The following ABCC3 variants were observed in gnomAD, a reference collection of about 807,000 sequenced individuals.
ABCC3 encodes ATP-binding cassette sub-family C member 3.
Under a neutral mutation model 165.3 loss-of-function variants are expected in ABCC3, and 121 were observed. That is an observed-to-expected ratio of 0.73 (90% CI 0.63 to 0.85). The LOEUF (loss-of-function observed/expected upper bound fraction) is 0.85, where lower values mean the gene tolerates loss of function less well. ABCC3 is among the 40% of genes least tolerant of loss of function. The pLI, the probability that ABCC3 is intolerant of heterozygous loss-of-function variation, is 0.00. For missense variants in ABCC3, 1,869 were observed against 1,964.1 expected, an observed-to-expected ratio of 0.95 and a Z score of 0.92; for synonymous variants, 733 against 810.1, an observed-to-expected ratio of 0.90 and a Z score of 1.62.
chr17:50,687,641 C>T lies in ABCC3; in HGVS notation c.4386C>T (p.Asn1462=). 1 of 1,614,252 alleles carries T rather than the reference C, an allele frequency of 6.2e-7. No homozygotes were observed. The highest frequency in any genetic ancestry group is 8.5e-7 in the Non-Finnish European group (1 of 1,180,052). The change falls in exon 30 of 31, where the codon AAC becomes AAT. Residue 1462 remains asparagine (N), a synonymous_variant. Transcript: ENST00000285238. ...CTGCCATCGACCTGGAGACTGACAA[C>T]CTCATCCAGGCTACCATCCGCACCC... ...ATAAIDLETD[N]LIQATIRTQF...
intron 6 of ABCC3, 135 bp downstream of exon 6, chr17:50,658,631 C>A: frequency 3.1e-6 from 3 of 978,816 alleles, no homozygotes; most frequent in South Asian, 1.4e-5. Flanking sequence ...GGGCACAGGG[C>A]AGATGAGGGT....
chr17:50,684,795 G>C lies in ABCC3; in HGVS notation c.4200G>C (p.Glu1400Asp). The change falls in exon 29 of 31, where the codon GAG (glutamate) becomes GAC (aspartate). Residue 1400 changes from glutamate to aspartate, a missense_variant. Transcript: ENST00000285238. ...YSEEDIWWAL[E>D]LSHLHTFVSS... ...AGGAGGACATTTGGTGGGCTTTGGAGCTGTCCCACCTGCACACGTTTGTGA... is the reference window on the plus strand; with the variant it reads ...AGGAGGACATTTGGTGGGCTTTGGACCTGTCCCACCTGCACACGTTTGTGA... The C allele has an allele frequency of 6.2e-7, 1 of 1,614,150 alleles. No individual in the cohort carries two copies. The highest frequency in any genetic ancestry group is 8.5e-7 in the Non-Finnish European group (1 of 1,180,032).
intron 26 of ABCC3, among the ~76,000 whole-genome samples, chr17:50,682,095 C>T (rs377727520): frequency 1.5e-4 from 23 of 152,246 alleles, no homozygotes; most frequent in Admixed American, 9.2e-4. Context: ...CCTCTGGCCG[C>T]GTGGTTTCTC....
chr17:50,649,061 G>T (rs1967059716), intron 1 of ABCC3, among the ~76,000 whole-genome samples: 1 of 149,544 alleles, frequency 6.7e-6, no homozygotes, highest in Non-Finnish European at 1.5e-5. Flanking sequence ...GCAGTGAGCT[G>T]AGATCGTACT....
chr17:50,664,124 C>T lies in ABCC3; in HGVS notation c.1338+13C>T, dbSNP rs1270823651. The T allele has an allele frequency of 6.2e-7, 1 of 1,613,468 alleles. No homozygotes were observed. Among genetic ancestry groups the T allele is most frequent in the East Asian group, 2.2e-5 (1 of 44,842 alleles). Reference sequence around the variant, plus strand: ...CTTCCTCTGGCAGGTGACTCTCCAACCCTGACCTCTGCCTCCTTCCTCTGA... The same window carrying T: ...CTTCCTCTGGCAGGTGACTCTCCAATCCTGACCTCTGCCTCCTTCCTCTGA... On this transcript the variant is annotated intron_variant, in intron 10 of 30. Transcript: ENST00000285238.
intron 1 of ABCC3, chr17:50,635,289 G>C (rs2054168703): frequency 3.2e-6 from 2 of 621,286 alleles, no homozygotes; most frequent in Admixed American, 2.6e-5. Flanking sequence ...TGGGTGAGTC[G>C]GCTCCATCCC....
At chr17:50,641,832 G>A (rs1465901522) in intron 1 of ABCC3, among the ~76,000 whole-genome samples, 1 of 152,064 alleles carries the variant, frequency 6.6e-6, no homozygotes, top group African/African-American at 2.4e-5. Flanking sequence ...GATCACTTGA[G>A]CCCAGAAGTT....
chr17:50,677,835 G>T lies in ABCC3; in HGVS notation c.3470G>T (p.Gly1157Val). 6.2e-7 allele frequency: 1 copy of T among 1,614,138 alleles called. No individual in the cohort carries two copies. The highest frequency in any genetic ancestry group is 8.5e-7 in the Non-Finnish European group (1 of 1,180,024). Residue 1157 changes from glycine to valine, a missense_variant, in exon 24 of 31, where the codon GGT becomes GTT. Gly to Val is a moderately radical substitution (Grantham distance 109, BLOSUM62 -3). Transcript: ENST00000285238. The part of the protein sequence containing the change: ...IYSHFSETVT[G>V]ASVIRAYNRS... Reference sequence around the variant, plus strand: ...TCCCACTTTTCGGAGACAGTGACTGGTGCCAGTGTCATCCGGGCCTACAAC... The same window carrying T: ...TCCCACTTTTCGGAGACAGTGACTGTTGCCAGTGTCATCCGGGCCTACAAC...
intron 19 of ABCC3, 137 bp downstream of exon 19, chr17:50,673,795 A>T (rs1310871984): frequency 4.9e-6 from 4 of 815,976 alleles, no homozygotes; most frequent in Non-Finnish European, 7.7e-6. Context: ...TGTGACAGTC[A>T]CCAGAGGTAA....
At chr17:50,673,838 C>T (rs1200127194) in intron 19 of ABCC3, among the ~76,000 whole-genome samples, 180 bp downstream of exon 19, 14 of 152,064 alleles carry the variant, frequency 9.2e-5, no homozygotes, top group South Asian at 2.1e-4. Context: ...CCCACTGCCT[C>T]CTCCATCCTA....
At chr17:50,684,950 C>T (rs1967997031) in intron 29 of ABCC3, 75 bp downstream of exon 29, 4 of 1,521,420 alleles carry the variant, frequency 2.6e-6, no homozygotes, top group African/African-American at 2.7e-5. Context: ...GGAAACCTGA[C>T]ACCAATGACA....
intron 1 of ABCC3, among the ~76,000 whole-genome samples, chr17:50,641,092 C>G (rs1480669295): frequency 1.3e-5 from 2 of 152,140 alleles, no homozygotes; most frequent in Non-Finnish European, 2.9e-5. Context: ...GCAGAGGGCT[C>G]CGGGGTCCTC....
intron 17 of ABCC3, among the ~76,000 whole-genome samples, chr17:50,672,656 G>A (rs1447331380): frequency 2.0e-5 from 3 of 152,156 alleles, no homozygotes; most frequent in African/African-American, 7.2e-5. Context: ...CTTGAGCTCA[G>A]GAGTTGGAGA....
At chr17:50,685,668 A>T (rs1968009957) in intron 29 of ABCC3, among the ~76,000 whole-genome samples, 1 of 152,170 alleles carries the variant, frequency 6.6e-6, no homozygotes, top group Non-Finnish European at 1.5e-5. Flanking sequence ...GAATGTCTCA[A>T]TTTGGACTAG....
chr17:50,685,018 C>T (rs1484067104), intron 29 of ABCC3, 143 bp downstream of exon 29: 11 of 947,576 alleles, frequency 1.2e-5, no homozygotes, highest in African/African-American at 8.3e-5. Context: ...GAGCATATTC[C>T]GTGTGCCAGG....
chr17:50,690,997 T>C lies in ABCC3; in HGVS notation c.4476-95T>C, dbSNP rs1008563580. The C allele has an allele frequency of 1.4e-5, 13 of 924,424 alleles. No homozygotes were observed. The African/African-American group carries it at 2.1e-4, about 15-fold the overall frequency. The allele number at this position is 924,424 out of a possible 1,614,324, so 57.3% of individuals were successfully genotyped here. A position where few individuals can be genotyped will look rare whatever the true frequency, so the allele number is the denominator to read the frequency against. On this transcript the variant is annotated intron_variant, in intron 30 of 30. Coordinates refer to ENST00000285238, the MANE Select transcript of ABCC3 (RefSeq NM_003786.4). Reference sequence around the variant, plus strand: ...TGTGTTGGGTGGGTTGGCATGTCACTGTGGGCCTGAGCAAGTACCCAGAAG... The same window carrying C: ...TGTGTTGGGTGGGTTGGCATGTCACCGTGGGCCTGAGCAAGTACCCAGAAG...
intron 29 of ABCC3, chr17:50,687,275 G>A (rs558654698): frequency 4.1e-5 from 19 of 458,888 alleles, no homozygotes; most frequent in Middle Eastern, 5.7e-4. Flanking sequence ...AGAAAGCACC[G>A]AGAGAGGAGG....
At chr17:50,662,456 G>A (rs562637830) in intron 8 of ABCC3, among the ~76,000 whole-genome samples, 51 of 152,082 alleles carry the variant, frequency 3.4e-4, no homozygotes, top group Non-Finnish European at 6.6e-4. Flanking sequence ...GAGCAACATA[G>A]CAAGACCCTG....
intron 17 of ABCC3, among the ~76,000 whole-genome samples, chr17:50,669,955 C>A (rs545279371): frequency 6.6e-6 from 1 of 151,998 alleles, no homozygotes; most frequent in African/African-American, 2.4e-5. Context: ...GCCACCATAC[C>A]CAGCTAAATT....
Sources: allele counts gnomAD v4.1 joint callset (sites outside exome capture counted in the v4.1 genomes callset), GRCh38; gene constraint gnomAD v4.1.1; transcripts MANE v1.5; gene names NCBI Gene and HGNC (gene_info 2026-07-23, HGNC 2026-07-21).